RBMS3: variants seen among roughly 807,000 people sequenced by gnomAD.
RBMS3 encodes RNA binding motif single stranded interacting protein 3, also known as RNA-binding motif, single-stranded-interacting protein 3.
In RBMS3, 27 loss-of-function variants were observed where a neutral mutation model predicts 66.8. The ratio of observed to expected loss-of-function variants is 0.40; its 90% CI spans 0.30 to 0.56. The LOEUF is 0.56. RBMS3 is among the 20% of genes least tolerant of loss of function. The pLI, the probability that RBMS3 is intolerant of heterozygous loss-of-function variation, is 0.40. For synonymous variants in RBMS3, 188 were observed against 183.0 expected (o/e 1.03, Z -0.22); for missense variants, 513 against 549.5 (o/e 0.93, Z 0.66).
chr3:29,396,424 G>A (rs56813122), intron 1 of RBMS3, among the ~76,000 whole-genome samples: 28,472 of 151,982 alleles, frequency 0.19, 2,682 homozygotes, highest in South Asian at 0.2. Context: ...ATTATTATGG[G>A]GTTAAATGGC....
chr3:29,494,035 C>T (rs1489508124), intron 3 of RBMS3, among the ~76,000 whole-genome samples: 1 of 152,154 alleles, frequency 6.6e-6, no homozygotes, highest in Non-Finnish European at 1.5e-5. Context: ...ACATTATGAA[C>T]TGAAGGATTT....
At chr3:29,690,771 T>C (rs1211149253) in intron 4 of RBMS3, among the ~76,000 whole-genome samples, 1 of 152,234 alleles carries the variant, frequency 6.6e-6, no homozygotes, top group Non-Finnish European at 1.5e-5. Context: ...CTTTGTGCTC[T>C]GTCATAAACT....
chr3:29,690,155 A>G (rs1382304348), intron 4 of RBMS3, among the ~76,000 whole-genome samples: 1 of 151,970 alleles, frequency 6.6e-6, no homozygotes, highest in African/African-American at 2.4e-5. Context: ...AGAGAAAGTA[A>G]AATGACATAT....
intron 12 of RBMS3, among the ~76,000 whole-genome samples, chr3:29,957,132 T>TA (rs1207543179): frequency 6.6e-6 from 1 of 152,164 alleles, no homozygotes; most frequent in Admixed American, 6.6e-5. Flanking sequence ...TGTCTTGTCT[T>TA]AGAGTTTTCT....
intron 1 of RBMS3, among the ~76,000 whole-genome samples, chr3:29,382,856 T>A (rs2038830143): frequency 6.6e-6 from 1 of 152,220 alleles, no homozygotes; most frequent in African/African-American, 2.4e-5. Flanking sequence ...TATTTCTTTT[T>A]ATAACCCTAT....
intron 1 of RBMS3, among the ~76,000 whole-genome samples, chr3:29,286,823 CA>C (rs1164307923): frequency 6.6e-6 from 1 of 151,626 alleles, no homozygotes; most frequent in Admixed American, 6.6e-5. Context: ...AAAATCAAAC[CA>C]AAACAACAAA....
Position 30,008,755 on chromosome 3 carries a change from G to C in RBMS3, c.*4893G>C, listed in dbSNP as rs181852586. 1.3e-5 allele frequency: 2 copies of C among 152,212 alleles called. No individual in the cohort carries two copies. Among genetic ancestry groups the C allele is most frequent in the African/African-American group, 4.8e-5 (2 of 41,538 alleles). 9.4% of individuals were successfully genotyped at this position (152,212 alleles called of 1,614,324 possible). On this transcript the variant is annotated 3_prime_UTR_variant, in exon 15 of 15. Coordinates refer to ENST00000383767, the MANE Select transcript of RBMS3 (RefSeq NM_001003793.3). ...TGGAAGACAGTTGGGTCTGACTCAA[G>C]TTTAACATTTCTTACCAAACATTCT...
chr3:29,804,471 C>A (rs948897625), intron 6 of RBMS3, among the ~76,000 whole-genome samples: 1 of 151,682 alleles, frequency 6.6e-6, no homozygotes, highest in Non-Finnish European at 1.5e-5. Flanking sequence ...AAAAAAGAAC[C>A]CTTTATGTAT....
chr3:29,999,227 C>T (rs936684716), intron 14 of RBMS3, among the ~76,000 whole-genome samples: 1 of 152,164 alleles, frequency 6.6e-6, no homozygotes, highest in African/African-American at 2.4e-5. Context: ...CATGTTACAC[C>T]AGTTAGAATG....
chr3:29,442,396 A>G (rs2041661197), intron 2 of RBMS3, among the ~76,000 whole-genome samples: 1 of 152,198 alleles, frequency 6.6e-6, no homozygotes, highest in Non-Finnish European at 1.5e-5. Flanking sequence ...CTCATGATCA[A>G]TTTAAAAATA....
chr3:29,523,921 G>C (rs1576110169), intron 3 of RBMS3, among the ~76,000 whole-genome samples: 1 of 151,822 alleles, frequency 6.6e-6, no homozygotes, highest in South Asian at 2.1e-4. Flanking sequence ...TTTTTTTGTA[G>C]AGATGAGGTC....
At chr3:29,761,647 A>AT (rs904802238) in intron 5 of RBMS3, among the ~76,000 whole-genome samples, 129 of 152,056 alleles carry the variant, frequency 8.5e-4, no homozygotes, top group Non-Finnish European at 1.6e-3. Context: ...TTGTTAGCAT[A>AT]TTTTTTTTGT....
intron 1 of RBMS3, among the ~76,000 whole-genome samples, chr3:29,300,655 G>A (rs192956742): frequency 2.6e-5 from 4 of 151,986 alleles, no homozygotes; most frequent in African/African-American, 9.6e-5. Context: ...GAAAAGTTTT[G>A]CGTGAGTTTT....
intron 1 of RBMS3, among the ~76,000 whole-genome samples, chr3:29,309,651 A>T (rs1389964523): frequency 6.6e-6 from 1 of 151,534 alleles, no homozygotes; most frequent in African/African-American, 2.4e-5. Context: ...TGTCACAGAG[A>T]TGGAAGAAGC....
At chr3:29,720,300 T>C (rs1255133354) in intron 4 of RBMS3, among the ~76,000 whole-genome samples, 1 of 152,188 alleles carries the variant, frequency 6.6e-6, no homozygotes, top group Non-Finnish European at 1.5e-5. Flanking sequence ...ATGTAGCCAT[T>C]GTAAGCATTT....
chr3:29,433,725 T>TA (rs991148347), intron 1 of RBMS3, among the ~76,000 whole-genome samples: 6 of 152,216 alleles, frequency 3.9e-5, no homozygotes, highest in Admixed American at 1.3e-4. Context: ...TATGCCTGTA[T>TA]AAAAAAAGAA....
chr3:29,522,056 T>C (rs1468285678), intron 3 of RBMS3, among the ~76,000 whole-genome samples: 1 of 152,176 alleles, frequency 6.6e-6, no homozygotes, highest in Non-Finnish European at 1.5e-5. Flanking sequence ...AAATTAGCGT[T>C]TAGTTAGGAA....
At chr3:29,767,322 G>A (rs1216035459) in intron 6 of RBMS3, 1 of 151,300 alleles carries the variant, frequency 6.6e-6, no homozygotes, top group Non-Finnish European at 1.5e-5. Flanking sequence ...TTTCCTGTAA[G>A]CACGTGCTCC....
At position 30,007,806 on chromosome 3, in the gene RBMS3, A is replaced by G. The variant is rs1699845104; in HGVS notation, c.*3944A>G. ...GTAGATTTCAACATTTCAGAATGTT[A>G]CCTCCAAATTTCACTTGAATTACTT... is the stretch of plus-strand genomic sequence containing the variant. On this transcript the variant is annotated 3_prime_UTR_variant, in exon 15 of 15. Coordinates refer to ENST00000383767, the MANE Select transcript of RBMS3 (RefSeq NM_001003793.3). The G allele has an allele frequency of 2.6e-5, 4 of 152,042 alleles. No homozygotes were observed. 9.4% of individuals were successfully genotyped at this position (152,042 alleles called of 1,614,324 possible).
Sources: gnomAD v4.1 joint callset for allele counts (sites outside exome capture counted in the v4.1 genomes callset) on GRCh38, gnomAD v4.1.1 for gene constraint, MANE v1.5 for transcripts, NCBI Gene and HGNC (gene_info 2026-07-23, HGNC 2026-07-21) for gene names.